The following PAG1 variants were observed in gnomAD, a reference collection of about 807,000 sequenced individuals.
The protein encoded by PAG1 is phosphoprotein associated with glycosphingolipid-enriched microdomains 1.
In PAG1, 23 loss-of-function variants were observed where a neutral mutation model predicts 31.7. That is an observed-to-expected ratio of 0.73 (90% CI 0.52 to 1.03). PAG1 has a LOEUF of 1.03. PAG1 is among the 50% of genes least tolerant of loss of function. The pLI is 0.00. For synonymous variants in PAG1, 214 were observed against 210.3 expected (o/e 1.02, Z -0.15); for missense variants, 473 against 540.7 (o/e 0.87, Z 1.24).
intron 3 of PAG1, among the ~76,000 whole-genome samples, chr8:81,016,239 G>A (rs1428853469): frequency 6.6e-6 from 1 of 152,186 alleles, no homozygotes; most frequent in Non-Finnish European, 1.5e-5. Context: ...TTAAGTCATG[G>A]AGTGGTTTGT....
intron 1 of PAG1, among the ~76,000 whole-genome samples, chr8:81,106,774 T>C (rs1179761365): frequency 1.3e-5 from 2 of 152,174 alleles, no homozygotes; most frequent in African/African-American, 4.8e-5. Context: ...AAATTGTCCT[T>C]TTACCCTCCA....
rs139454706 is a variant in PAG1, at chr8:81,084,563, T to A, written c.-233-14393A>T. ...ATGAAAGGAAGGGACTTTTTCTATG[T>A]GGGTGTCATTTTGCAATTATTACCC... On this transcript the variant is annotated intron_variant, in intron 1 of 8. Coordinates refer to ENST00000220597, the MANE Select transcript of PAG1 (RefSeq NM_018440.4). Among the ~76,000 whole-genome samples, 34 of 152,314 alleles carry A rather than the reference T, an allele frequency of 2.2e-4. No individual in the cohort carries two copies. In the East Asian group the frequency reaches 6.4e-3, roughly 28 times the overall value.
At chr8:81,048,932 G>A (rs898060431) in intron 2 of PAG1, among the ~76,000 whole-genome samples, 1 of 152,066 alleles carries the variant, frequency 6.6e-6, no homozygotes, top group Non-Finnish European at 1.5e-5. Context: ...CATCAATTAA[G>A]GACATACAGA....
At chr8:81,092,290 G>A (rs1475782759) in intron 1 of PAG1, among the ~76,000 whole-genome samples, 1 of 152,078 alleles carries the variant, frequency 6.6e-6, no homozygotes, top group East Asian at 1.9e-4. Context: ...GCGCTGAGGC[G>A]GGAGGATTGC....
intron 2 of PAG1, among the ~76,000 whole-genome samples, chr8:81,035,851 C>T (rs1198752360): frequency 6.6e-6 from 1 of 151,524 alleles, no homozygotes; most frequent in Non-Finnish European, 1.5e-5. Flanking sequence ...TAACAGCTAC[C>T]CTGACACACA....
chr8:81,080,834 T>G (rs1227713203), intron 1 of PAG1, among the ~76,000 whole-genome samples: 1 of 151,526 alleles, frequency 6.6e-6, no homozygotes, highest in East Asian at 1.9e-4. Flanking sequence ...CAGGTGGGAG[T>G]AGGATGGGAT....
chr8:80,995,339 C>A (rs977860521), intron 3 of PAG1, among the ~76,000 whole-genome samples: 3 of 152,188 alleles, frequency 2.0e-5, no homozygotes, highest in African/African-American at 7.2e-5. Context: ...GTATATTGTG[C>A]CTGTAAACAC....
Position 80,983,533 on chromosome 8 carries a change from T to C in PAG1, c.876+1243A>G, listed in dbSNP as rs193264617. Among the ~76,000 whole-genome samples, 3 of 152,304 alleles carry C rather than the reference T, an allele frequency of 2.0e-5. No individual in the cohort carries two copies. In the East Asian group the frequency reaches 5.8e-4, roughly 29 times the overall value. On this transcript the variant is annotated intron_variant, in intron 7 of 8. Transcript: ENST00000220597. ...AAATAAATGAATGAATATTAAATAC[T>C]TCAAACCCTCAACTCACTTAAAATT...
chr8:81,065,834 T>C (rs1042223309), intron 2 of PAG1, among the ~76,000 whole-genome samples: 2 of 150,744 alleles, frequency 1.3e-5, no homozygotes, highest in African/African-American at 4.9e-5. Context: ...TGTATATATA[T>C]GTTTATATAT....
chr8:81,077,540 C>T (rs1455392675), intron 1 of PAG1, among the ~76,000 whole-genome samples: 1 of 152,156 alleles, frequency 6.6e-6, no homozygotes, highest in Non-Finnish European at 1.5e-5. Flanking sequence ...CAATTGTCAC[C>T]CTCCTAACAT....
At chr8:81,038,168 C>T (rs769337709) in intron 2 of PAG1, among the ~76,000 whole-genome samples, 2 of 152,114 alleles carry the variant, frequency 1.3e-5, no homozygotes, top group African/African-American at 2.4e-5. Context: ...GTATGCATGT[C>T]GGCGGGGAGG....
rs1392520542 is a variant in PAG1 at position 80,973,606 on chromosome 8, A to G, written c.*2938T>C. ...AACCTGCTATAATTCGCTGTAAAAAATGGATGTCAAAATAGAATTTTAAAT... is the reference window on the plus strand; with the variant it reads ...AACCTGCTATAATTCGCTGTAAAAAGTGGATGTCAAAATAGAATTTTAAAT... On this transcript the variant is annotated 3_prime_UTR_variant, in exon 9 of 9. Transcript: ENST00000220597. The G allele has an allele frequency of 6.6e-6, 1 of 152,252 alleles. No individual in the cohort carries two copies. The highest frequency in any genetic ancestry group is 1.9e-4 in the East Asian group (1 of 5,206). 9.4% of individuals were successfully genotyped at this position (152,252 alleles called of 1,614,324 possible). A position where few individuals can be genotyped will look rare whatever the true frequency, so the allele number is the denominator to read the frequency against.
intron 3 of PAG1, among the ~76,000 whole-genome samples, chr8:81,022,923 A>G (rs1192824954): frequency 1.3e-5 from 2 of 152,198 alleles, no homozygotes; most frequent in Non-Finnish European, 2.9e-5. Flanking sequence ...ACCAGACCTC[A>G]TATTATCCAA....
intron 2 of PAG1, among the ~76,000 whole-genome samples, chr8:81,052,432 T>C (rs908783373): frequency 2.6e-5 from 4 of 152,212 alleles, no homozygotes; most frequent in Non-Finnish European, 4.4e-5. Context: ...CCTTAACTAC[T>C]TACTTTTTTT....
chr8:81,059,417 C>T (rs1458645598), intron 2 of PAG1, among the ~76,000 whole-genome samples: 1 of 151,912 alleles, frequency 6.6e-6, no homozygotes, highest in Non-Finnish European at 1.5e-5. Flanking sequence ...TCAAATATGC[C>T]TGGGGTGTTA....
At chr8:81,023,750 C>T (rs1808227789) in intron 3 of PAG1, among the ~76,000 whole-genome samples, 1 of 151,928 alleles carries the variant, frequency 6.6e-6, no homozygotes, top group Non-Finnish European at 1.5e-5. Context: ...ATATAAATGT[C>T]CTAATAGACT....
At chr8:81,087,216 G>T (rs146833837) in intron 1 of PAG1, among the ~76,000 whole-genome samples, 25 of 152,094 alleles carry the variant, frequency 1.6e-4, no homozygotes, top group African/African-American at 6.0e-4. Context: ...GGTGGCATGT[G>T]CCTGTAATCC....
At chr8:81,065,830 T>C (rs903551145) in intron 2 of PAG1, among the ~76,000 whole-genome samples, 7 of 150,688 alleles carry the variant, frequency 4.6e-5, no homozygotes, top group African/African-American at 7.3e-5. Flanking sequence ...TGTGTGTATA[T>C]ATATGTTTAT....
rs150924015 is a variant in PAG1 at position 81,062,024 on chromosome 8, A to C, written c.-175+8088T>G. ...TGAGGCATATTTTAAAATACTACAT[A>C]TTTATTATATTAAGAGATTATAAAA... On this transcript the variant is annotated intron_variant, in intron 2 of 8. Transcript: ENST00000220597. Among the ~76,000 whole-genome samples the C allele has an allele frequency of 2.3e-3, 344 of 152,318 alleles. 1 individual carries two copies. Among genetic ancestry groups the C allele is most frequent in the African/African-American group, 7.9e-3 (330 of 41,562 alleles).
Sources: allele counts gnomAD v4.1 joint callset (sites outside exome capture counted in the v4.1 genomes callset), GRCh38; gene constraint gnomAD v4.1.1; transcripts MANE v1.5; gene names NCBI Gene and HGNC (gene_info 2026-07-23, HGNC 2026-07-21).